The following CTNND2 variants were observed in gnomAD, a reference collection of about 807,000 sequenced individuals.
CTNND2 encodes the protein catenin delta 2, also known as catenin delta-2.
In CTNND2, 22 loss-of-function variants were observed where a neutral mutation model predicts 144.4. The ratio of observed to expected loss-of-function variants is 0.15; its 90% CI spans 0.11 to 0.22. The LOEUF (loss-of-function observed/expected upper bound fraction) is 0.22, where lower values mean the gene tolerates loss of function less well. Among genes scored for constraint, CTNND2 ranks in the 10% least tolerant of loss-of-function variants. The probability of loss-of-function intolerance (pLI) is 1.00; values close to 1 mark genes in which losing one functional copy is unlikely to be tolerated. For missense variants in CTNND2, 1,353 were observed against 1,618.8 expected (o/e 0.84, Z 2.82); for synonymous variants, 751 against 695.6 (o/e 1.08, Z -1.25).
intron 12 of CTNND2, among the ~76,000 whole-genome samples, chr5:11,125,741 T>C (rs954834315): frequency 6.6e-6 from 1 of 152,222 alleles, no homozygotes; most frequent in Non-Finnish European, 1.5e-5. Flanking sequence ...AATCAAAAAC[T>C]AATGTAAAAA....
chr5:11,530,909 A>G (rs1433967525), intron 3 of CTNND2, among the ~76,000 whole-genome samples: 2 of 152,132 alleles, frequency 1.3e-5, no homozygotes, highest in Non-Finnish European at 2.9e-5. Context: ...AATAATGTGA[A>G]CTTACAAACG....
intron 1 of CTNND2, among the ~76,000 whole-genome samples, chr5:11,834,192 C>T (rs1794053906): frequency 1.3e-5 from 2 of 152,116 alleles, no homozygotes; most frequent in Non-Finnish European, 2.9e-5. Flanking sequence ...ACTGCACCAT[C>T]AAATGCTCAT....
intron 2 of CTNND2, among the ~76,000 whole-genome samples, chr5:11,647,929 C>T (rs1229712959): frequency 3.3e-5 from 5 of 152,134 alleles, no homozygotes; most frequent in Admixed American, 6.5e-5. Flanking sequence ...GTCATGTTCA[C>T]GGACAGAGTC....
chr5:11,219,350 C>T (rs1739542816), intron 10 of CTNND2, among the ~76,000 whole-genome samples: 1 of 152,206 alleles, frequency 6.6e-6, no homozygotes, highest in Non-Finnish European at 1.5e-5. Context: ...TTCAAATCAG[C>T]TAACTTAAGC....
intron 16 of CTNND2, among the ~76,000 whole-genome samples, chr5:11,041,193 T>G (rs924886648): frequency 6.6e-6 from 1 of 152,232 alleles, no homozygotes; most frequent in Non-Finnish European, 1.5e-5. Context: ...AAAATAAAAA[T>G]CAGACCCAAT....
intron 9 of CTNND2, among the ~76,000 whole-genome samples, chr5:11,307,841 C>A (rs1750413870): frequency 6.6e-6 from 1 of 152,172 alleles, no homozygotes; most frequent in Non-Finnish European, 1.5e-5. Flanking sequence ...TGCTCAAATT[C>A]ATTGTTGAAA....
At chr5:11,282,371 G>A (rs557582218) in intron 9 of CTNND2, among the ~76,000 whole-genome samples, 7 of 152,242 alleles carry the variant, frequency 4.6e-5, no homozygotes, top group Non-Finnish European at 8.8e-5. Context: ...AAGAGGTTCC[G>A]GACTTGATAC....
chr5:11,149,641 A>G (rs2149750113), intron 12 of CTNND2, among the ~76,000 whole-genome samples: 1 of 152,246 alleles, frequency 6.6e-6, no homozygotes, highest in East Asian at 1.9e-4. Context: ...CTACGGAAAG[A>G]CAGTGAAGGA....
intron 9 of CTNND2, among the ~76,000 whole-genome samples, chr5:11,313,807 A>G (rs761103428): frequency 1.5e-4 from 23 of 152,204 alleles, no homozygotes; most frequent in Non-Finnish European, 7.3e-5. Context: ...CTGTACAGGA[A>G]GCATGGCTAA....
At chr5:11,728,672 G>A (rs776669812) in intron 2 of CTNND2, among the ~76,000 whole-genome samples, 1 of 152,126 alleles carries the variant, frequency 6.6e-6, no homozygotes, top group African/African-American at 2.4e-5. Context: ...AAAGAACAAT[G>A]AAAATTAGTG....
intron 2 of CTNND2, among the ~76,000 whole-genome samples, chr5:11,576,818 C>G (rs1778009948): frequency 6.6e-6 from 1 of 152,084 alleles, no homozygotes; most frequent in Non-Finnish European, 1.5e-5. Flanking sequence ...TGCAGTAGCT[C>G]TTTGAGAGTT....
chr5:11,657,709 G>A (rs1016861484), intron 2 of CTNND2, among the ~76,000 whole-genome samples: 1 of 152,056 alleles, frequency 6.6e-6, no homozygotes, highest in South Asian at 2.1e-4. Flanking sequence ...TAACTTCAAT[G>A]GGCACATCAA....
intron 2 of CTNND2, among the ~76,000 whole-genome samples, chr5:11,645,186 G>T (rs1205518050): frequency 6.6e-6 from 1 of 151,916 alleles, no homozygotes; most frequent in East Asian, 1.9e-4. Flanking sequence ...AGTTGGTCTT[G>T]AACTCCCGGC....
chr5:11,106,641 C>T (rs776199758), intron 14 of CTNND2, among the ~76,000 whole-genome samples: 10 of 152,172 alleles, frequency 6.6e-5, no homozygotes, highest in East Asian at 1.9e-4. Context: ...CAATGCTACA[C>T]GATTTCACTG....
At chr5:11,251,514 C>T (rs1406606197) in intron 9 of CTNND2, among the ~76,000 whole-genome samples, 2 of 152,202 alleles carry the variant, frequency 1.3e-5, no homozygotes, top group East Asian at 3.8e-4. Context: ...CTAATGGGAG[C>T]TCATGTTTCA....
In CTNND2 at chr5:11,364,585, G is replaced by GT. The variant is rs1756779723; in HGVS notation, c.1372+110dup. On this transcript the variant is annotated intron_variant, in intron 8 of 21. Transcript: ENST00000304623. ...TTGATAGAAGCAGGTCACAGTGCTT[G>GT]TGGGGATAGTGGACACAGACACACA... The GT allele has an allele frequency of 3.4e-5, 27 of 785,260 alleles. No individual in the cohort carries two copies. The East Asian group carries it at 8.5e-4, about 25-fold the overall frequency. 48.6% of individuals were successfully genotyped at this position (785,260 alleles called of 1,614,324 possible). A position where few individuals can be genotyped will look rare whatever the true frequency, so the allele number is the denominator to read the frequency against.
intron 2 of CTNND2, among the ~76,000 whole-genome samples, chr5:11,628,173 A>C (rs751105330): frequency 6.6e-6 from 1 of 152,164 alleles, no homozygotes; most frequent in Non-Finnish European, 1.5e-5. Context: ...CACCATGCGG[A>C]ACAATGGGTA....
chr5:11,417,556 T>G (rs1426867672), intron 3 of CTNND2, among the ~76,000 whole-genome samples: 3 of 152,272 alleles, frequency 2.0e-5, no homozygotes, highest in Non-Finnish European at 4.4e-5. Context: ...GTATGGCCAC[T>G]GAACACATTA....
chr5:10,976,047 A>C (rs1008961952), intron 21 of CTNND2, among the ~76,000 whole-genome samples: 1 of 152,160 alleles, frequency 6.6e-6, no homozygotes, highest in African/African-American at 2.4e-5. Flanking sequence ...CCCAGTCCCA[A>C]AAGTGTGTAC....
Sources: gnomAD v4.1 joint callset for allele counts (sites outside exome capture counted in the v4.1 genomes callset) on GRCh38, gnomAD v4.1.1 for gene constraint, MANE v1.5 for transcripts, NCBI Gene and HGNC (gene_info 2026-07-23, HGNC 2026-07-21) for gene names.